The following RASEF variants were observed in gnomAD, a reference collection of about 807,000 sequenced individuals.
RASEF encodes RAS and EF-hand domain containing, also known as ras and EF-hand domain-containing protein.
In RASEF, 68 loss-of-function variants were observed where a neutral mutation model predicts 90.1. That is an observed-to-expected ratio of 0.75 (90% confidence interval 0.62 to 0.92). The LOEUF (loss-of-function observed/expected upper bound fraction) is 0.92. RASEF is among the 40% of genes least tolerant of loss of function. The pLI, the probability that RASEF is intolerant of heterozygous loss-of-function variation, is 0.00. For missense variants in RASEF, 949 were observed against 937.2 expected (o/e 1.01, Z -0.16); for synonymous variants, 331 against 345.2 (o/e 0.96, Z 0.46).
At chr9:83,120,683 T>G in the RASEF span, among the ~76,000 whole-genome samples, 248 of 152,338 alleles carry the variant, frequency 1.6e-3, 1 homozygote, top group African/African-American at 5.4e-3. Flanking sequence ...AGTCTGAAGA[T>G]AATCAGAAGT....
the RASEF span, among the ~76,000 whole-genome samples, chr9:83,131,932 AC>A: frequency 6.6e-6 from 1 of 152,164 alleles, no homozygotes; most frequent in African/African-American, 2.4e-5. Context: ...ATGGTCTAAA[AC>A]AACATTCCCA....
intron 16 of RASEF, among the ~76,000 whole-genome samples, chr9:82,988,064 T>C (rs1828741828): frequency 6.6e-6 from 1 of 152,226 alleles, no homozygotes; most frequent in African/African-American, 2.4e-5. Context: ...CCCACTGCCA[T>C]CTGTGCCAGC....
chr9:83,202,990 A>G, the RASEF span, among the ~76,000 whole-genome samples: 1 of 152,196 alleles, frequency 6.6e-6, no homozygotes, highest in Non-Finnish European at 1.5e-5. Flanking sequence ...AAAGATGTAC[A>G]TATTTAGATT....
chr9:83,127,819 C>T, the RASEF span, among the ~76,000 whole-genome samples: 2 of 152,090 alleles, frequency 1.3e-5, no homozygotes, highest in Non-Finnish European at 2.9e-5. Flanking sequence ...CTGCAGTAGC[C>T]ATTGATGCCA....
At chr9:83,020,981 T>C (rs1290402339) in intron 3 of RASEF, among the ~76,000 whole-genome samples, 1 of 152,210 alleles carries the variant, frequency 6.6e-6, no homozygotes, top group East Asian at 1.9e-4. Context: ...ACCATTTATG[T>C]GGTTGAAAAT....
At chr9:83,146,054 A>T in the RASEF span, among the ~76,000 whole-genome samples, 1 of 151,748 alleles carries the variant, frequency 6.6e-6, no homozygotes, top group African/African-American at 2.4e-5. Context: ...CAAACAAATG[A>T]AGTGCTAAAG....
intron 1 of RASEF, among the ~76,000 whole-genome samples, chr9:83,042,799 A>C (rs2118646658): frequency 6.6e-6 from 1 of 152,276 alleles, no homozygotes; most frequent in African/African-American, 2.4e-5. Context: ...TCTACATTCA[A>C]ACAGTGCTTT....
At chr9:83,083,544 CAA>C in the RASEF span, among the ~76,000 whole-genome samples, 1 of 152,044 alleles carries the variant, frequency 6.6e-6, no homozygotes, top group Non-Finnish European at 1.5e-5. Flanking sequence ...ATCTGTGAAA[CAA>C]GATGTACATT....
Position 83,059,963 on chromosome 9 carries a change from C to A in RASEF, c.431+2474G>T, listed in dbSNP as rs551380691. On this transcript the variant is annotated intron_variant, in intron 1 of 16. Coordinates refer to ENST00000376447, the MANE Select transcript of RASEF (RefSeq NM_152573.4). Reference sequence around the variant, plus strand: ...CAATATTATCTTCCCTCTAACATCACGATTACTGATGACTGGCGAGTTTAA... The same window carrying A: ...CAATATTATCTTCCCTCTAACATCAAGATTACTGATGACTGGCGAGTTTAA... 2.6e-5 allele frequency among the ~76,000 whole-genome samples: 4 copies of A among 152,286 alleles called. No homozygotes were observed. In the South Asian group the frequency reaches 8.3e-4, roughly 32 times the overall value.
chr9:83,117,017 C>T, the RASEF span, among the ~76,000 whole-genome samples: 1 of 152,144 alleles, frequency 6.6e-6, no homozygotes, highest in Admixed American at 6.5e-5. Context: ...AACACAGTAT[C>T]AACTTACTTC....
upstream of RASEF, among the ~76,000 whole-genome samples, chr9:83,067,237 C>T (rs1415844943): frequency 3.3e-5 from 5 of 152,120 alleles, no homozygotes; most frequent in African/African-American, 1.2e-4. Flanking sequence ...ACCACTGAGG[C>T]ACCCACTAGT....
chr9:82,989,222 ATGTGTGCGTGTGTG>A (rs1828768448), intron 16 of RASEF, among the ~76,000 whole-genome samples: 1 of 151,390 alleles, frequency 6.6e-6, no homozygotes, highest in African/African-American at 2.4e-5. Flanking sequence ...GTATGTGTGC[ATGTGTGCGTGTGTG>A]TGTGTGTGTA....
At chr9:83,134,409 C>CACACACACACA in the RASEF span, among the ~76,000 whole-genome samples, 1 of 38,880 alleles carries the variant, frequency 2.6e-5, no homozygotes, top group African/African-American at 1.5e-4. Flanking sequence ...ATCACAATAG[C>CACACACACACA]GCACACACAC....
the RASEF span, among the ~76,000 whole-genome samples, chr9:83,195,818 C>T: frequency 6.6e-6 from 1 of 152,056 alleles, no homozygotes; most frequent in African/African-American, 2.4e-5. Flanking sequence ...TGACTTTTAA[C>T]AGAGGAATAA....
At chr9:83,184,274 G>A in the RASEF span, among the ~76,000 whole-genome samples, 1 of 152,188 alleles carries the variant, frequency 6.6e-6, no homozygotes, top group Admixed American at 6.5e-5. Context: ...TAGGGGAAAC[G>A]TGTACATTGG....
intron 16 of RASEF, among the ~76,000 whole-genome samples, chr9:82,985,843 C>A (rs975201282): frequency 6.6e-6 from 1 of 152,050 alleles, no homozygotes; most frequent in Non-Finnish European, 1.5e-5. Flanking sequence ...CTCCAGGTGA[C>A]TATTGTTTAA....
the RASEF span, among the ~76,000 whole-genome samples, chr9:83,175,412 AT>A: frequency 2.6e-5 from 4 of 152,022 alleles, no homozygotes; most frequent in Admixed American, 1.3e-4. Flanking sequence ...ACTTTAACTA[AT>A]TTTTTTTCTG....
At chr9:83,143,701 G>C in the RASEF span, among the ~76,000 whole-genome samples, 1 of 152,188 alleles carries the variant, frequency 6.6e-6, no homozygotes, top group East Asian at 1.9e-4. Context: ...CTTAGACACT[G>C]TTGATAAGAA....
chr9:83,039,581 T>G (rs985439915), intron 1 of RASEF, among the ~76,000 whole-genome samples: 1 of 152,128 alleles, frequency 6.6e-6, no homozygotes, highest in African/African-American at 2.4e-5. Context: ...ATGGGAAATA[T>G]GATTGCCAAG....
Sources: gnomAD v4.1 joint callset for allele counts (sites outside exome capture counted in the v4.1 genomes callset) on GRCh38, gnomAD v4.1.1 for gene constraint, MANE v1.5 for transcripts, NCBI Gene and HGNC (gene_info 2026-07-23, HGNC 2026-07-21) for gene names.